UBE2D3: variants seen among roughly 807,000 people sequenced by gnomAD.
UBE2D3 encodes ubiquitin conjugating enzyme E2 D3.
Under a neutral mutation model 22.8 loss-of-function variants are expected in UBE2D3, and 2 were observed. The observed-to-expected ratio is 0.09, with a 90% confidence interval of 0.04 to 0.28. UBE2D3 has a LOEUF of 0.28. Ranked by LOEUF, UBE2D3 falls within the 10% of genes least tolerant of loss-of-function variation. UBE2D3 has a pLI of 1.00. For missense variants in UBE2D3, 27 were observed against 182.5 expected, an observed-to-expected ratio of 0.15 and a Z score of 4.91; for synonymous variants, 56 against 60.4, an observed-to-expected ratio of 0.93 and a Z score of 0.34.
chr4:102,827,408 C>T lies in UBE2D3; in HGVS notation c.-129+19G>A, dbSNP rs892085952. 3.0e-6 allele frequency: 3 copies of T among 986,136 alleles called. No homozygotes were observed. Among genetic ancestry groups the T allele is most frequent in the Non-Finnish European group, 3.6e-6 (3 of 830,130 alleles). 61.1% of individuals were successfully genotyped at this position (986,136 alleles called of 1,614,324 possible). On this transcript the variant is annotated intron_variant, in intron 1 of 7. Transcript: ENST00000453744. ...GCCGGCCTCCCTTCCCTGCCCTAGC[C>T]GTCCACACCCACGCGTACAGAGGGG...
At chr4:102,806,081 T>TA (rs1202563459) in intron 4 of UBE2D3, among the ~76,000 whole-genome samples, 1 of 152,222 alleles carries the variant, frequency 6.6e-6, no homozygotes, top group African/African-American at 2.4e-5. Context: ...ATCCTAATGA[T>TA]AAAGTGGTCT....
chr4:102,851,670 T>G (rs78671425), intron 1 of UBE2D3, among the ~76,000 whole-genome samples: 1 of 112,614 alleles, frequency 8.9e-6, no homozygotes, highest in East Asian at 2.5e-4. Context: ...GTTTTGTTTT[T>G]TGTTTTTTTT....
At chr4:102,860,099 G>C (rs952484291) in intron 1 of UBE2D3, among the ~76,000 whole-genome samples, 1 of 151,994 alleles carries the variant, frequency 6.6e-6, no homozygotes, top group African/African-American at 2.4e-5. Context: ...CACACGCCTC[G>C]GCCTCCCAAA....
intron 1 of UBE2D3, chr4:102,827,059 A>G (rs1730645364): frequency 1.0e-6 from 1 of 990,122 alleles, no homozygotes; most frequent in African/African-American, 1.7e-5. Context: ...TGCGGCCGGG[A>G]AAAGGAAGGA....
intron 1 of UBE2D3, 114 bp downstream of exon 1, chr4:102,827,313 C>T (rs1254946559): frequency 1.0e-6 from 1 of 962,470 alleles, no homozygotes; most frequent in South Asian, 4.8e-5. Flanking sequence ...CCTAACCCAC[C>T]GCACCCAATA....
intron 6 of UBE2D3, among the ~76,000 whole-genome samples, chr4:102,800,747 T>C (rs1480840064): frequency 6.6e-6 from 1 of 152,062 alleles, no homozygotes; most frequent in Non-Finnish European, 1.5e-5. Flanking sequence ...TATATACACA[T>C]ATGAAACTTT....
chr4:102,815,828 CTAAG>C (rs1728710050), intron 2 of UBE2D3, among the ~76,000 whole-genome samples: 2 of 152,204 alleles, frequency 1.3e-5, no homozygotes, highest in African/African-American at 4.8e-5. Flanking sequence ...GAAAAATGAC[CTAAG>C]TATTTTAACA....
intron 2 of UBE2D3, chr4:102,813,108 T>C (rs760176829): frequency 2.6e-5 from 4 of 152,200 alleles, no homozygotes; most frequent in Non-Finnish European, 4.4e-5. Context: ...ACTGCTCTAA[T>C]AGTATCTTTT....
intron 1 of UBE2D3, among the ~76,000 whole-genome samples, chr4:102,840,061 A>G (rs1731658090): frequency 6.6e-6 from 1 of 152,244 alleles, no homozygotes; most frequent in Non-Finnish European, 1.5e-5. Context: ...GATGCAAATG[A>G]AAACCACAGT....
intron 2 of UBE2D3, among the ~76,000 whole-genome samples, chr4:102,813,752 A>G (rs994968270): frequency 7.2e-5 from 11 of 152,236 alleles, no homozygotes; most frequent in Non-Finnish European, 1.6e-4. Context: ...GAAAAGTTAA[A>G]AAGAAATAAA....
At chr4:102,797,520 G>C in intron 7 of UBE2D3, 60 bp from the exon 8 acceptor site, 1 of 1,363,442 alleles carries the variant, frequency 7.3e-7, no homozygotes, top group Non-Finnish European at 1.0e-6. Context: ...ACTTTAAATG[G>C]AAGGGAAAGA....
intron 1 of UBE2D3, among the ~76,000 whole-genome samples, chr4:102,853,695 T>C (rs1732491826): frequency 6.6e-6 from 1 of 152,142 alleles, no homozygotes; most frequent in South Asian, 2.1e-4. Context: ...GTGGTGGTGT[T>C]ATGAGAAATT....
chr4:102,799,593 A>T (rs1405622852), intron 6 of UBE2D3, 93 bp from the exon 7 acceptor site: 7 of 866,084 alleles, frequency 8.1e-6, no homozygotes, highest in Non-Finnish European at 1.3e-5. Flanking sequence ...AATCCTCAAA[A>T]GACTTTTATT....
chr4:102,858,030 T>C (rs1358949415), intron 1 of UBE2D3, among the ~76,000 whole-genome samples: 2 of 152,020 alleles, frequency 1.3e-5, no homozygotes, highest in East Asian at 1.9e-4. Flanking sequence ...CAAGTTATTA[T>C]TGGATGCCTT....
chr4:102,797,688 G>C (rs1413696945), intron 7 of UBE2D3, among the ~76,000 whole-genome samples: 1 of 151,850 alleles, frequency 6.6e-6, no homozygotes, highest in Non-Finnish European at 1.5e-5. Context: ...AACTAAGAAA[G>C]CAGCACTGAA....
chr4:102,844,527 G>T (rs531161494), intron 1 of UBE2D3, among the ~76,000 whole-genome samples: 1 of 152,324 alleles, frequency 6.6e-6, no homozygotes, highest in South Asian at 2.1e-4. Flanking sequence ...AAAGATTGTT[G>T]TTAAAAGATA....
intron 2 of UBE2D3, chr4:102,825,910 C>T (rs146484705): frequency 7.5e-6 from 3 of 398,034 alleles, no homozygotes; most frequent in African/African-American, 6.3e-5. Context: ...CCTCCCAAAC[C>T]CACTTATTCG....
chr4:102,804,571 A>G (rs561047609), intron 4 of UBE2D3, among the ~76,000 whole-genome samples: 2 of 152,322 alleles, frequency 1.3e-5, no homozygotes, highest in East Asian at 3.9e-4. Context: ...TTAATTTTGA[A>G]TAGATGCTTC....
chr4:102,816,052 A>G (rs1208524164), intron 2 of UBE2D3, among the ~76,000 whole-genome samples: 1 of 152,130 alleles, frequency 6.6e-6, no homozygotes, highest in Non-Finnish European at 1.5e-5. Context: ...GTATCGTAGG[A>G]AAAAAAAGTG....
Sources: allele counts gnomAD v4.1 joint callset (sites outside exome capture counted in the v4.1 genomes callset), GRCh38; gene constraint gnomAD v4.1.1; transcripts MANE v1.5; gene names NCBI Gene and HGNC (gene_info 2026-07-23, HGNC 2026-07-21).